Variants in FBRSL1 observed in about 807,000 individuals in gnomAD.
FBRSL1 encodes fibrosin like 1, also known as fibrosin-1-like protein.
In FBRSL1, 51 loss-of-function variants were observed where a neutral mutation model predicts 89.6. The observed-to-expected ratio is 0.57, with a 90% CI of 0.45 to 0.72. FBRSL1 has a LOEUF of 0.72. Among genes scored for constraint, FBRSL1 ranks in the 30% least tolerant of loss-of-function variants. FBRSL1 has a pLI of 0.00. For missense variants in FBRSL1, 1,618 were observed against 1,451.8 expected, an observed-to-expected ratio of 1.11 and a Z score of -1.86; for synonymous variants, 779 against 681.1, an observed-to-expected ratio of 1.14 and a Z score of -2.24.
At chr12:132,533,549 G>A (rs149242338) in intron 4 of FBRSL1, among the ~76,000 whole-genome samples, 38 of 152,380 alleles carry the variant, frequency 2.5e-4, no homozygotes, top group Non-Finnish European at 3.5e-4. Context: ...TGTGGGTACC[G>A]TAGGGGTGGG....
At chr12:132,570,904 G>A (rs560582561) in intron 8 of FBRSL1, among the ~76,000 whole-genome samples, 164 bp from the exon 9 acceptor site, 94 of 152,294 alleles carry the variant, frequency 6.2e-4, no homozygotes, top group African/African-American at 2.1e-3. Context: ...CCCCGACCGC[G>A]AAGGCTTCCT....
intron 4 of FBRSL1, among the ~76,000 whole-genome samples, chr12:132,534,227 C>T (rs1438444380): frequency 6.6e-6 from 1 of 152,216 alleles, no homozygotes; most frequent in Non-Finnish European, 1.5e-5. Context: ...CGCCTCCACT[C>T]CAGTCCTGGC....
chr12:132,528,080 C>G (rs1292117606), intron 4 of FBRSL1, 92 bp downstream of exon 4: 1 of 1,174,370 alleles, frequency 8.5e-7, no homozygotes, highest in African/African-American at 1.5e-5. Flanking sequence ...CACAACTTAG[C>G]TCACCCCAGT....
intron 5 of FBRSL1, among the ~76,000 whole-genome samples, chr12:132,564,454 C>T (rs2039416283): frequency 6.6e-6 from 1 of 152,034 alleles, no homozygotes; most frequent in South Asian, 2.1e-4. Context: ...CTGGCTACGC[C>T]TGGTGAGCCT....
intron 11 of FBRSL1, 72 bp from the exon 12 acceptor site, chr12:132,574,018 A>C: frequency 9.3e-7 from 1 of 1,070,024 alleles, no homozygotes; most frequent in Non-Finnish European, 1.2e-6. Flanking sequence ...CCACGCCAGA[A>C]CCAGGAAGCC....
Position 132,564,139 on chromosome 12 carries a change from C to T in FBRSL1, c.646-3342C>T, listed in dbSNP as rs1026645295. On this transcript the variant is annotated intron_variant, in intron 5 of 18. Transcript: ENST00000680143. ...CAATTCCATATGTGGCTGAGGCAGA[C>T]GCGCTCACTGTTGATCCGTCTGCCA... Among the ~76,000 whole-genome samples, 7 of 152,204 alleles carry T rather than the reference C, an allele frequency of 4.6e-5. No individual in the cohort carries two copies. The East Asian group carries it at 9.6e-4, about 21-fold the overall frequency.
rs533145493 is a variant in FBRSL1, at chr12:132,572,180, A to G, written c.1378-108A>G. 8.4e-4 allele frequency: 838 copies of G among 995,514 alleles called. 5 individuals carry two copies. The African/African-American group carries it at 0.012, about 15-fold the overall frequency. 61.7% of individuals were successfully genotyped at this position (995,514 alleles called of 1,614,324 possible). On this transcript the variant is annotated intron_variant, in intron 9 of 18. Coordinates refer to ENST00000680143, the MANE Select transcript of FBRSL1 (RefSeq NM_001367871.1). ...CTGGCCGAAGCCGCCAGCCTCAGGAAGCACAACGCCGTCCTGTCACTGCCC... is the reference window on the plus strand; with the variant it reads ...CTGGCCGAAGCCGCCAGCCTCAGGAGGCACAACGCCGTCCTGTCACTGCCC...
chr12:132,534,578 C>T (rs2036560548), intron 4 of FBRSL1, among the ~76,000 whole-genome samples: 2 of 152,272 alleles, frequency 1.3e-5, no homozygotes, highest in African/African-American at 4.8e-5. Context: ...CCGCAGCGGG[C>T]ACGCGCTCTT....
intron 5 of FBRSL1, among the ~76,000 whole-genome samples, chr12:132,555,412 CG>C (rs2038540390): frequency 1.4e-5 from 2 of 144,696 alleles, no homozygotes; most frequent in Non-Finnish European, 3.0e-5. Context: ...CCGCCCCACC[CG>C]AGCGTGAGCA....
At chr12:132,551,032 G>C (rs1378993493) in intron 5 of FBRSL1, 1 of 246,248 alleles carries the variant, frequency 4.1e-6, no homozygotes, top group Admixed American at 4.8e-5. Context: ...CTACCCGCTG[G>C]GAGCAGAGGC....
At chr12:132,568,318 G>C (rs954383055) in intron 6 of FBRSL1, among the ~76,000 whole-genome samples, 1 of 152,262 alleles carries the variant, frequency 6.6e-6, no homozygotes, top group East Asian at 1.9e-4. Context: ...GACAGGCCCT[G>C]CCAATGCCGG....
Position 132,581,479 on chromosome 12 carries a change from C to T in FBRSL1, c.1875C>T (p.Ala625=). 1.3e-6 allele frequency: 2 copies of T among 1,551,136 alleles called. No homozygotes were observed. The highest frequency in any genetic ancestry group is 1.7e-4 in the Middle Eastern group (1 of 5,988). The stretch of plus-strand genomic sequence containing the variant: ...CCTCCAACCCATTTGGACCCTCAGC[C>T]CATCCTGGCAGCTTCCTGCCCACTG... ...HPASNPFGPS[A]HPGSFLPTGP... The change falls in exon 16 of 19, where the codon GCC becomes GCT. Residue 625 remains alanine (A), a synonymous_variant. Transcript: ENST00000680143.
At chr12:132,570,955 CGGCCCAGGCTG>C in intron 8 of FBRSL1, 102 bp from the exon 9 acceptor site, 2 of 732,456 alleles carry the variant, frequency 2.7e-6, no homozygotes, top group Non-Finnish European at 3.3e-6. Flanking sequence ...CGAGTCAGCC[CGGCCCAGGCTG>C]GGGACGGCCC....
chr12:132,519,890 ACT>A (rs1422604838), intron 2 of FBRSL1, among the ~76,000 whole-genome samples: 3 of 117,210 alleles, frequency 2.6e-5, no homozygotes, highest in Non-Finnish European at 3.3e-5. Context: ...CCTGGGCAAG[ACT>A]CTGTCTCAAA....
intron 4 of FBRSL1, among the ~76,000 whole-genome samples, chr12:132,536,835 G>C (rs995730351): frequency 6.6e-6 from 1 of 152,224 alleles, no homozygotes; most frequent in African/African-American, 2.4e-5. Context: ...AACTGCATGT[G>C]CATGCATGAC....
chr12:132,547,917 C>G lies in FBRSL1; in HGVS notation c.616-86C>G, dbSNP rs546729425. On this transcript the variant is annotated intron_variant, in intron 4 of 18. Transcript: ENST00000680143. ...AGCAGCCAGGGCCGCCCCACCCGTG[C>G]CCCTGCAGCCTGGCTGCTGCCGTGC... 183 of 1,445,432 alleles carry G rather than the reference C, an allele frequency of 1.3e-4. No homozygotes were observed. The African/African-American group carries it at 2.0e-3, about 15-fold the overall frequency. 89.5% of individuals were successfully genotyped at this position (1,445,432 alleles called of 1,614,324 possible).
chr12:132,564,872 G>A (rs1051785020), intron 5 of FBRSL1, among the ~76,000 whole-genome samples: 53 of 151,706 alleles, frequency 3.5e-4, no homozygotes, highest in Middle Eastern at 3.4e-3. Context: ...CTCGTGATCC[G>A]CCGGCCTCGG....
chr12:132,557,658 G>A (rs1397573724), intron 5 of FBRSL1, among the ~76,000 whole-genome samples: 1 of 152,230 alleles, frequency 6.6e-6, no homozygotes, highest in Non-Finnish European at 1.5e-5. Context: ...CCAGTGGTGA[G>A]GTCCCAAGAG....
At position 132,525,775 on chromosome 12, in the gene FBRSL1, C is replaced by T. The variant is rs370744016; in HGVS notation, c.531C>T (p.Asp177=). 71 of 1,549,792 alleles carry T rather than the reference C, an allele frequency of 4.6e-5. No homozygotes were observed. Among genetic ancestry groups the T allele is most frequent in the Non-Finnish European group, 5.3e-5 (61 of 1,146,340 alleles). The part of the protein sequence containing the change: ...TVSKGGDRDS[D]DDSVLEATSS... ...CCAAAGGGGGCGACCGGGACAGTGACGACGACAGCGTCCTCGAAGCCACCA... is the reference window on the plus strand; with the variant it reads ...CCAAAGGGGGCGACCGGGACAGTGATGACGACAGCGTCCTCGAAGCCACCA... Residue 177 remains aspartate, a synonymous_variant, in exon 3 of 19, where the codon GAC becomes GAT. Coordinates refer to ENST00000680143, the MANE Select transcript of FBRSL1 (RefSeq NM_001367871.1).
Sources: allele counts gnomAD v4.1 joint callset (sites outside exome capture counted in the v4.1 genomes callset), GRCh38; gene constraint gnomAD v4.1.1; transcripts MANE v1.5; gene names NCBI Gene and HGNC (gene_info 2026-07-23, HGNC 2026-07-21).